Variants in GNAI1 observed in about 807,000 individuals in gnomAD.
GNAI1 encodes G protein subunit alpha i1.
Under a neutral mutation model 38.9 loss-of-function variants are expected in GNAI1, and 11 were observed. That is an observed-to-expected ratio of 0.28 (90% CI 0.18 to 0.47). The LOEUF (loss-of-function observed/expected upper bound fraction) is 0.47. Among genes scored for constraint, GNAI1 ranks in the 20% least tolerant of loss-of-function variants. The pLI, the probability that GNAI1 is intolerant of heterozygous loss-of-function variation, is 0.99. For missense variants in GNAI1, 317 were observed against 436.9 expected, an observed-to-expected ratio of 0.73 and a Z score of 2.45; for synonymous variants, 166 against 145.1, an observed-to-expected ratio of 1.14 and a Z score of -1.04.
chr7:80,216,120 T>A (rs545691288), intron 7 of GNAI1, among the ~76,000 whole-genome samples: 1 of 152,270 alleles, frequency 6.6e-6, no homozygotes, highest in African/African-American at 2.4e-5. Flanking sequence ...ATTGAAGCAT[T>A]ACATAGAGCA....
chr7:80,219,361 A>C lies in GNAI1; in HGVS notation c.*1868A>C, dbSNP rs1789033086. ...GAAATCCTGAACTTTATTCTGTGTA[A>C]TTGTGTTAATAAATCCTAATAAATT... On this transcript the variant is annotated 3_prime_UTR_variant, in exon 8 of 8. Transcript: ENST00000649796. 6.6e-6 allele frequency: 1 copy of C among 152,608 alleles called. No homozygotes were observed. The allele number at this position is 152,608 out of a possible 1,614,324, so 9.5% of individuals were successfully genotyped here.
chr7:80,158,327 G>T (rs1787854744), intron 1 of GNAI1, among the ~76,000 whole-genome samples: 1 of 152,102 alleles, frequency 6.6e-6, no homozygotes, highest in Non-Finnish European at 1.5e-5. Context: ...CTAATATTTA[G>T]CAGTGTTTCC....
At chr7:80,209,047 G>A (rs1788827890) in intron 5 of GNAI1, among the ~76,000 whole-genome samples, 2 of 152,238 alleles carry the variant, frequency 1.3e-5, no homozygotes, top group South Asian at 2.1e-4. Context: ...TTCCATCTCA[G>A]CTCTTAGCAG....
chr7:80,176,457 G>T (rs1244294053), intron 1 of GNAI1, among the ~76,000 whole-genome samples: 1 of 152,158 alleles, frequency 6.6e-6, no homozygotes, highest in Non-Finnish European at 1.5e-5. Context: ...TTCAATGTAG[G>T]CAAAACAGCC....
At chr7:80,172,569 CAG>C (rs1383761293) in intron 1 of GNAI1, among the ~76,000 whole-genome samples, 1 of 151,944 alleles carries the variant, frequency 6.6e-6, no homozygotes, top group Non-Finnish European at 1.5e-5. Flanking sequence ...AAGTATTGTT[CAG>C]AGTTGTCTTT....
intron 3 of GNAI1, among the ~76,000 whole-genome samples, chr7:80,192,919 G>A (rs184798613): frequency 3.6e-4 from 54 of 151,996 alleles, no homozygotes; most frequent in Non-Finnish European, 6.0e-4. Flanking sequence ...GGCTGGTCTC[G>A]ATCTCCTGAC....
intron 1 of GNAI1, among the ~76,000 whole-genome samples, chr7:80,158,225 A>G (rs996958890): frequency 1.3e-5 from 2 of 152,176 alleles, no homozygotes; most frequent in Admixed American, 1.3e-4. Flanking sequence ...TTTCTCGTAT[A>G]AAGTTTAGAA....
chr7:80,195,713 G>T (rs1044178070), intron 3 of GNAI1, among the ~76,000 whole-genome samples: 1 of 151,950 alleles, frequency 6.6e-6, no homozygotes, highest in Non-Finnish European at 1.5e-5. Context: ...AGGGCTTGCA[G>T]ATCTTTTTAA....
At chr7:80,193,209 C>A (rs1305925725) in intron 3 of GNAI1, among the ~76,000 whole-genome samples, 1 of 152,078 alleles carries the variant, frequency 6.6e-6, no homozygotes, top group Non-Finnish European at 1.5e-5. Context: ...CAGCTTAATT[C>A]CCCCACAACC....
intron 1 of GNAI1, among the ~76,000 whole-genome samples, chr7:80,177,558 T>G (rs1481450194): frequency 6.6e-6 from 1 of 152,230 alleles, no homozygotes; most frequent in Non-Finnish European, 1.5e-5. Flanking sequence ...CATAGTTTAC[T>G]GCAGCCTTTG....
At chr7:80,204,148 GA>G (rs146215749) in intron 5 of GNAI1, among the ~76,000 whole-genome samples, 13,907 of 152,038 alleles carry the variant, frequency 0.091, 815 homozygotes, top group South Asian at 0.2. Context: ...TGTGTTTTCG[GA>G]AAGTGTTGCC....
intron 1 of GNAI1, among the ~76,000 whole-genome samples, chr7:80,151,532 C>A (rs896039995): frequency 6.6e-6 from 1 of 152,154 alleles, no homozygotes; most frequent in East Asian, 1.9e-4. Context: ...TCAAATGCCA[C>A]AAGATGTCTC....
At chr7:80,145,750 T>C (rs191267860) in intron 1 of GNAI1, among the ~76,000 whole-genome samples, 70 of 152,300 alleles carry the variant, frequency 4.6e-4, no homozygotes, top group African/African-American at 1.7e-3. Context: ...TGTCTCGAGG[T>C]AAATTGTGTC....
At chr7:80,186,501 T>C (rs1317059784) in intron 1 of GNAI1, among the ~76,000 whole-genome samples, 2 of 152,220 alleles carry the variant, frequency 1.3e-5, no homozygotes, top group African/African-American at 2.4e-5. Flanking sequence ...TGTTTTTTTT[T>C]CTTAAGGTTT....
chr7:80,167,531 G>A (rs992276140), intron 1 of GNAI1, among the ~76,000 whole-genome samples: 14 of 152,076 alleles, frequency 9.2e-5, no homozygotes, highest in African/African-American at 2.9e-4. Context: ...GTAGATAATA[G>A]TAACCTATTT....
intron 1 of GNAI1, among the ~76,000 whole-genome samples, chr7:80,159,428 T>C (rs1019156683): frequency 1.3e-5 from 2 of 152,198 alleles, no homozygotes; most frequent in Non-Finnish European, 2.9e-5. Context: ...GTCAGTACTC[T>C]TGTTGGCCCA....
At chr7:80,181,932 A>G (rs935177607) in intron 1 of GNAI1, among the ~76,000 whole-genome samples, 1 of 152,132 alleles carries the variant, frequency 6.6e-6, no homozygotes, top group Admixed American at 6.6e-5. Context: ...AGTATACAAT[A>G]TGTTGTTATT....
At chr7:80,177,501 G>C (rs1788207302) in intron 1 of GNAI1, among the ~76,000 whole-genome samples, 7 of 152,146 alleles carry the variant, frequency 4.6e-5, no homozygotes, top group Admixed American at 3.9e-4. Flanking sequence ...GCTGTTTTTA[G>C]AGACAAGATC....
At position 80,222,480 on chromosome 7, in the gene GNAI1, C is replaced by G. The variant is rs749998012; in HGVS notation, c.*4987C>G. On this transcript the variant is annotated 3_prime_UTR_variant, in exon 8 of 8. Coordinates refer to ENST00000649796, the MANE Select transcript of GNAI1 (RefSeq NM_002069.6). The stretch of plus-strand genomic sequence containing the variant: ...TCGGCTCACCGCAACATCCGCCTCC[C>G]GGGTACAAGCAATTCTCCTGCCTCA... 6.6e-6 allele frequency among the ~76,000 whole-genome samples: 1 copy of G among 150,964 alleles called. No homozygotes were observed. Among genetic ancestry groups the G allele is most frequent in the Admixed American group, 6.6e-5 (1 of 15,132 alleles).
Sources: gnomAD v4.1 joint callset for allele counts (sites outside exome capture counted in the v4.1 genomes callset) on GRCh38, gnomAD v4.1.1 for gene constraint, MANE v1.5 for transcripts, NCBI Gene and HGNC (gene_info 2026-07-23, HGNC 2026-07-21) for gene names.